The following CERS3 variants were observed in gnomAD, a reference collection of about 807,000 sequenced individuals.
The protein encoded by CERS3 is LAG1 homolog, ceramide synthase 3.
CERS3 carries 33 observed loss-of-function variants against 50.3 expected under a neutral mutation model. That is an observed-to-expected ratio of 0.66 (90% CI 0.50 to 0.88). CERS3 has a LOEUF of 0.88. Ranked by LOEUF, CERS3 falls within the 40% of genes least tolerant of loss-of-function variation. The pLI, the probability that CERS3 is intolerant of heterozygous loss-of-function variation, is 0.00. For missense variants in CERS3, 470 were observed against 460.3 expected (o/e 1.02, Z -0.19); for synonymous variants, 176 against 155.2 (o/e 1.13, Z -0.99).
chr15:100,442,283 T>A (rs2033714915), intron 11 of CERS3, among the ~76,000 whole-genome samples: 1 of 152,180 alleles, frequency 6.6e-6, no homozygotes. Flanking sequence ...TTATTCTCAA[T>A]ATAAATTTTA....
chr15:100,439,701 G>C (rs925940270), intron 11 of CERS3, among the ~76,000 whole-genome samples: 1 of 152,196 alleles, frequency 6.6e-6, no homozygotes, highest in African/African-American at 2.4e-5. Flanking sequence ...CCTTCAAATA[G>C]TGTTCTTTAA....
At chr15:100,466,840 C>CCTCTCTCCCTCTCTCTCTCTCT (rs1162475657) in intron 10 of CERS3, among the ~76,000 whole-genome samples, 1 of 28,262 alleles carries the variant, frequency 3.5e-5, no homozygotes, top group African/African-American at 1.1e-4. Context: ...TCCCTCTCTC[C>CCTCTCTCCCTCTCTCTCTCTCT]CTCTCTCTTT....
At chr15:100,504,875 G>C (rs2036131213) in intron 2 of CERS3, among the ~76,000 whole-genome samples, 2 of 152,184 alleles carry the variant, frequency 1.3e-5, no homozygotes, top group Non-Finnish European at 2.9e-5. Flanking sequence ...GACCAAAAGG[G>C]GAATTTAGAG....
At chr15:100,479,500 G>C in intron 6 of CERS3, 22 bp from the exon 7 acceptor site, 1 of 1,540,732 alleles carries the variant, frequency 6.5e-7, no homozygotes, top group Non-Finnish European at 8.8e-7. Context: ...AAAAAAAAAA[G>C]AGCCAACAGA....
chr15:100,438,100 A>T (rs1323678769), intron 11 of CERS3, among the ~76,000 whole-genome samples: 1 of 129,084 alleles, frequency 7.7e-6, no homozygotes, highest in Admixed American at 9.8e-5. Context: ...AGTGGAGTGC[A>T]GTGGTGTGAT....
chr15:100,467,798 T>TAC (rs2034805936), intron 10 of CERS3, among the ~76,000 whole-genome samples: 1 of 99,396 alleles, frequency 1.0e-5, no homozygotes, highest in Admixed American at 1.1e-4. Context: ...TATATATGTA[T>TAC]ATATATATAC....
chr15:100,434,769 G>T (rs1164444094), intron 11 of CERS3, among the ~76,000 whole-genome samples: 4 of 152,186 alleles, frequency 2.6e-5, no homozygotes, highest in Admixed American at 2.6e-4. Flanking sequence ...CACAAACTGT[G>T]CCTGTGCCCC....
intron 2 of CERS3, among the ~76,000 whole-genome samples, chr15:100,517,569 C>G (rs2036526540): frequency 6.6e-6 from 1 of 152,166 alleles, no homozygotes; most frequent in Non-Finnish European, 1.5e-5. Flanking sequence ...TGGAACATCT[C>G]TCTGTTGCCC....
chr15:100,472,940 G>C lies in CERS3; in HGVS notation c.722C>G (p.Ala241Gly). The C allele has an allele frequency of 6.2e-6, 10 of 1,613,968 alleles. No homozygotes were observed. Among genetic ancestry groups the C allele is most frequent in the Non-Finnish European group, 8.5e-6 (10 of 1,179,900 alleles). ...AACGTTTACCTCCAGCCAAATGTCAGCCACATCGTGTACAATCATCACGAG... is the reference window on the plus strand; with the variant it reads ...AACGTTTACCTCCAGCCAAATGTCACCCACATCGTGTACAATCATCACGAG... The part of the protein sequence containing the change: ...GTLVMIVHDV[A>G]DIWLESAKMF... Residue 241 changes from alanine to glycine, a missense_variant, in exon 9 of 12, where the codon GCT becomes GGT. Transcript: ENST00000679737.
At chr15:100,477,267 C>A (rs1190612079) in intron 7 of CERS3, among the ~76,000 whole-genome samples, 4 of 152,178 alleles carry the variant, frequency 2.6e-5, no homozygotes, top group Non-Finnish European at 1.5e-5. Context: ...GGGGTTTGGT[C>A]TAGCTAATTC....
intron 1 of CERS3, among the ~76,000 whole-genome samples, chr15:100,526,462 G>A (rs2036793355): frequency 1.7e-5 from 2 of 116,458 alleles, no homozygotes; most frequent in East Asian, 5.6e-4. Flanking sequence ...TGGAGGCCAG[G>A]GAAAACCTAC....
chr15:100,440,292 C>G (rs189556152), intron 11 of CERS3, among the ~76,000 whole-genome samples: 33 of 152,308 alleles, frequency 2.2e-4, no homozygotes, highest in African/African-American at 7.9e-4. Flanking sequence ...GCCATCATAT[C>G]CCCTGTGACC....
intron 1 of CERS3, among the ~76,000 whole-genome samples, chr15:100,538,678 G>A (rs1382704274): frequency 6.6e-6 from 1 of 152,166 alleles, no homozygotes; most frequent in African/African-American, 2.4e-5. Flanking sequence ...TTCCTCCTAG[G>A]CCTCTGGGCT....
chr15:100,415,424 C>T (rs917610707), intron 11 of CERS3, among the ~76,000 whole-genome samples: 21 of 152,128 alleles, frequency 1.4e-4, no homozygotes, highest in African/African-American at 4.6e-4. Context: ...ACCATTTGAC[C>T]CACCAATCTC....
intron 2 of CERS3, among the ~76,000 whole-genome samples, chr15:100,507,463 T>G (rs1277129195): frequency 6.6e-6 from 1 of 152,242 alleles, no homozygotes; most frequent in East Asian, 1.9e-4. Flanking sequence ...TACTTCAGAC[T>G]GTTAGCAACA....
Position 100,544,239 on chromosome 15 carries a change from C to T in CERS3, c.-355+412G>A, listed in dbSNP as rs911286822. The T allele has an allele frequency of 8.5e-5, 13 of 152,436 alleles. 1 individual carries two copies. Among genetic ancestry groups the T allele is most frequent in the South Asian group, 4.1e-4 (2 of 4,832 alleles). 9.4% of individuals were successfully genotyped at this position (152,436 alleles called of 1,614,324 possible). On this transcript the variant is annotated intron_variant, in intron 1 of 12. Coordinates refer to the CERS3 transcript ENST00000284382. ...ACTTGTTAACCGCTGGGCACTGTCG[C>T]CCTGGAGCGCTCCTAACGGACTTTG...
At chr15:100,502,251 GAAA>G (rs58654483) in intron 2 of CERS3, among the ~76,000 whole-genome samples, 33 of 113,680 alleles carry the variant, frequency 2.9e-4, no homozygotes, top group African/African-American at 1.0e-3. Flanking sequence ...CTCAAAAAAA[GAAA>G]AAAAAAAAAA....
rs1555528342 is a variant in CERS3 at position 100,467,874 on chromosome 15, G to GATAGATATAGAT, written c.845+1492_845+1503dup. Among the ~76,000 whole-genome samples the GATAGATATAGAT allele has an allele frequency of 1.3e-3, 59 of 46,006 alleles. 4 individuals carry two copies. The highest frequency in any genetic ancestry group is 0.029 in the Middle Eastern group (2 of 68). 30.2% of individuals were successfully genotyped at this position (46,006 alleles called of 152,430 possible). ...ATATAGATAGATAGATAGATAGATAGATAGATATAGATATAGATATAGATA... is the reference window on the plus strand; with the variant it reads ...ATATAGATAGATAGATAGATAGATAGATAGATATAGATATAGATATAGATATAGATATAGATA... On this transcript the variant is annotated intron_variant, in intron 10 of 11. Coordinates refer to ENST00000679737, the MANE Select transcript of CERS3 (RefSeq NM_001378789.1).
At chr15:100,536,336 G>C (rs1379534467) in intron 1 of CERS3, among the ~76,000 whole-genome samples, 2 of 152,276 alleles carry the variant, frequency 1.3e-5, no homozygotes, top group African/African-American at 4.8e-5. Flanking sequence ...TCAGGCTGGA[G>C]TGCATCAGTG....
Sources: allele counts gnomAD v4.1 joint callset (sites outside exome capture counted in the v4.1 genomes callset), GRCh38; gene constraint gnomAD v4.1.1; transcripts MANE v1.5; gene names NCBI Gene and HGNC (gene_info 2026-07-23, HGNC 2026-07-21).